Variants in UNC5D observed in about 807,000 individuals in gnomAD.
UNC5D encodes unc-5 netrin receptor D, also known as netrin receptor UNC5D.
UNC5D carries 39 observed loss-of-function variants against 105.4 expected under a neutral mutation model. The observed-to-expected ratio is 0.37, with a 90% confidence interval of 0.29 to 0.48. UNC5D has a LOEUF of 0.48. Among genes scored for constraint, UNC5D ranks in the 20% least tolerant of loss-of-function variants. The probability of loss-of-function intolerance (pLI) is 0.98; values close to 1 mark genes in which losing one functional copy is unlikely to be tolerated. For synonymous variants in UNC5D, 452 were observed against 450.4 expected (o/e 1.00, Z -0.04); for missense variants, 991 against 1,202.4 (o/e 0.82, Z 2.60).
chr8:35,386,851 C>T (rs934325780), intron 1 of UNC5D, among the ~76,000 whole-genome samples: 14 of 152,072 alleles, frequency 9.2e-5, no homozygotes, highest in Admixed American at 9.2e-4. Flanking sequence ...ATAGATAGGG[C>T]TTACTTTGCT....
intron 1 of UNC5D, among the ~76,000 whole-genome samples, chr8:35,334,582 G>A (rs945616220): frequency 6.6e-6 from 1 of 151,172 alleles, no homozygotes; most frequent in African/African-American, 2.4e-5. Context: ...GCACCATCTC[G>A]GCTCACTGCA....
At chr8:35,698,195 C>T (rs190115383) in intron 7 of UNC5D, among the ~76,000 whole-genome samples, 1 of 151,002 alleles carries the variant, frequency 6.6e-6, no homozygotes, top group African/African-American at 2.4e-5. Context: ...CAATAGTTGC[C>T]ACATCAAGCT....
At chr8:35,564,326 C>G (rs1040780560) in intron 2 of UNC5D, among the ~76,000 whole-genome samples, 1 of 152,136 alleles carries the variant, frequency 6.6e-6, no homozygotes, top group African/African-American at 2.4e-5. Context: ...CTCCACTTCT[C>G]AAAGTGTGGG....
chr8:35,579,078 A>G (rs1479097191), intron 3 of UNC5D, among the ~76,000 whole-genome samples: 2 of 152,210 alleles, frequency 1.3e-5, no homozygotes, highest in African/African-American at 4.8e-5. Context: ...GGGAGAGGAT[A>G]TAGATTTTAT....
rs111421018 is a variant in UNC5D, at chr8:35,406,405, C to G, written c.104-142887C>G. Reference sequence around the variant, plus strand: ...GAAAATGAACTTTTCTATGACTCACCGTGTTTCTCAGTGATAGCAAATACT... The same window carrying G: ...GAAAATGAACTTTTCTATGACTCACGGTGTTTCTCAGTGATAGCAAATACT... On this transcript the variant is annotated intron_variant, in intron 1 of 16. Coordinates refer to ENST00000404895, the MANE Select transcript of UNC5D (RefSeq NM_080872.4). 4.6e-5 allele frequency among the ~76,000 whole-genome samples: 7 copies of G among 152,136 alleles called. 1 individual carries two copies. The highest frequency in any genetic ancestry group is 1.7e-4 in the African/African-American group (7 of 41,492).
At chr8:35,381,836 C>T (rs1803061601) in intron 1 of UNC5D, among the ~76,000 whole-genome samples, 1 of 152,184 alleles carries the variant, frequency 6.6e-6, no homozygotes, top group Admixed American at 6.5e-5. Flanking sequence ...CTTGACTTAG[C>T]AGAGCCGGTG....
intron 1 of UNC5D, chr8:35,525,162 C>G: frequency 6.2e-7 from 1 of 1,608,972 alleles, no homozygotes. Context: ...GAAGAGTCCT[C>G]CATGTGTACG....
At chr8:35,353,684 T>C (rs1207250645) in intron 1 of UNC5D, among the ~76,000 whole-genome samples, 1 of 152,122 alleles carries the variant, frequency 6.6e-6, no homozygotes, top group Non-Finnish European at 1.5e-5. Context: ...GCTATTATTA[T>C]TCTTAAAAAG....
At chr8:35,237,852 C>T (rs1187842285) in intron 1 of UNC5D, among the ~76,000 whole-genome samples, 1 of 152,166 alleles carries the variant, frequency 6.6e-6, no homozygotes, top group Non-Finnish European at 1.5e-5. Context: ...ACCGGTGAAG[C>T]CACATGCACC....
In UNC5D at chr8:35,481,347, C is replaced by G. The variant is rs7834046; in HGVS notation, c.104-67945C>G. On this transcript the variant is annotated intron_variant, in intron 1 of 16. Coordinates refer to ENST00000404895, the MANE Select transcript of UNC5D (RefSeq NM_080872.4). ...GACAAAGGTGGAGGTTGCAGTGAGC[C>G]ATGATCATGCCACTGCACTCCAGCC... Among the ~76,000 whole-genome samples the G allele has an allele frequency of 8.2e-3, 1,254 of 152,174 alleles. 32 individuals carry two copies. The highest frequency in any genetic ancestry group is 0.029 in the African/African-American group (1,210 of 41,524).
At chr8:35,451,041 C>CT (rs11368288) in intron 1 of UNC5D, among the ~76,000 whole-genome samples, 1,247 of 103,928 alleles carry the variant, frequency 0.012, 27 homozygotes, top group African/African-American at 0.04. Flanking sequence ...TAATAATAAT[C>CT]TTTTTTTTTT....
At chr8:35,444,628 C>T (rs944141811) in intron 1 of UNC5D, among the ~76,000 whole-genome samples, 1 of 151,968 alleles carries the variant, frequency 6.6e-6, no homozygotes, top group African/African-American at 2.4e-5. Flanking sequence ...TAATCCTAGC[C>T]TTAGGAAGAT....
chr8:35,331,774 TC>T (rs1397715854), intron 1 of UNC5D, among the ~76,000 whole-genome samples: 1 of 152,170 alleles, frequency 6.6e-6, no homozygotes, highest in Non-Finnish European at 1.5e-5. Flanking sequence ...CAGCCTTGCA[TC>T]CTGCCTCTAT....
intron 1 of UNC5D, among the ~76,000 whole-genome samples, chr8:35,378,828 G>A (rs1251962923): frequency 2.6e-5 from 4 of 152,300 alleles, no homozygotes; most frequent in Admixed American, 6.5e-5. Flanking sequence ...AATGGAACAG[G>A]TGTGGTCTAG....
intron 1 of UNC5D, among the ~76,000 whole-genome samples, chr8:35,480,093 T>A (rs1810379166): frequency 6.6e-6 from 1 of 152,152 alleles, no homozygotes; most frequent in Non-Finnish European, 1.5e-5. Context: ...ATAATTTTAG[T>A]CTCCAGTATT....
intron 15 of UNC5D, among the ~76,000 whole-genome samples, chr8:35,770,606 G>A (rs926020470): frequency 2.0e-5 from 3 of 152,266 alleles, no homozygotes; most frequent in African/African-American, 7.2e-5. Context: ...TAAAGCAACA[G>A]TATCAACAGT....
chr8:35,705,316 G>T (rs1468055417), intron 7 of UNC5D, among the ~76,000 whole-genome samples: 1 of 152,250 alleles, frequency 6.6e-6, no homozygotes, highest in East Asian at 1.9e-4. Context: ...GCTAAATACT[G>T]TGATTATAAA....
intron 2 of UNC5D, among the ~76,000 whole-genome samples, chr8:35,550,423 T>G (rs1384455090): frequency 5.3e-5 from 8 of 152,202 alleles, no homozygotes; most frequent in Non-Finnish European, 1.2e-4. Context: ...CACGTTAGAT[T>G]GTTGATTTTT....
intron 1 of UNC5D, among the ~76,000 whole-genome samples, chr8:35,481,260 G>A (rs1810462241): frequency 6.6e-6 from 1 of 152,200 alleles, no homozygotes; most frequent in Non-Finnish European, 1.5e-5. Context: ...AGAAGGCAGA[G>A]TTGTAATGTC....
Sources: allele counts gnomAD v4.1 joint callset (sites outside exome capture counted in the v4.1 genomes callset), GRCh38; gene constraint gnomAD v4.1.1; transcripts MANE v1.5; gene names NCBI Gene and HGNC (gene_info 2026-07-23, HGNC 2026-07-21).